Variants in CD244 observed in about 807,000 individuals in gnomAD.
CD244 encodes CD244 molecule.
Under a neutral mutation model 45.5 loss-of-function variants are expected in CD244, and 20 were observed. That is an observed-to-expected ratio of 0.44 (90% CI 0.31 to 0.64). CD244 has a LOEUF of 0.64. CD244 is among the 30% of genes least tolerant of loss of function. The pLI is 0.08. For missense variants in CD244, 407 were observed against 426.9 expected, an observed-to-expected ratio of 0.95 and a Z score of 0.41; for synonymous variants, 185 against 160.5, an observed-to-expected ratio of 1.15 and a Z score of -1.15.
chr1:160,845,194 A>AT (rs888781947), intron 1 of CD244, among the ~76,000 whole-genome samples: 4 of 152,006 alleles, frequency 2.6e-5, no homozygotes, highest in Non-Finnish European at 5.9e-5. Context: ...CTGAAATTGG[A>AT]TTTTTTTTAA....
At chr1:160,838,347 G>A (rs1669403720) in intron 5 of CD244, 104 bp downstream of exon 5, 6 of 861,184 alleles carry the variant, frequency 7.0e-6, no homozygotes, top group Admixed American at 1.7e-5. Context: ...CACATCAAAA[G>A]GACAGTCGTT....
chr1:160,859,743 CAAAAAAA>C (rs541327271), intron 1 of CD244, among the ~76,000 whole-genome samples: 2 of 108,674 alleles, frequency 1.8e-5, no homozygotes, highest in Admixed American at 1.0e-4. Context: ...CCTGTATCTA[CAAAAAAA>C]AAAAAAAAAA....
intron 3 of CD244, among the ~76,000 whole-genome samples, chr1:160,840,179 G>C (rs1205417308): frequency 1.3e-5 from 2 of 151,060 alleles, no homozygotes; most frequent in Admixed American, 1.3e-4. Flanking sequence ...ATATTGTCCA[G>C]GCTGGTCTCA....
At chr1:160,842,433 C>T (rs552580980) in intron 1 of CD244, among the ~76,000 whole-genome samples, 3 of 152,110 alleles carry the variant, frequency 2.0e-5, no homozygotes, top group African/African-American at 7.2e-5. Context: ...GTAAAGACAG[C>T]AGTTTGGCTT....
chr1:160,857,688 T>A (rs191576489), intron 1 of CD244, among the ~76,000 whole-genome samples: 2 of 152,348 alleles, frequency 1.3e-5, no homozygotes, highest in Admixed American at 6.5e-5. Context: ...CTCATTGAGA[T>A]GTACATTTGT....
At chr1:160,841,537 G>T in intron 2 of CD244, 47 bp downstream of exon 2, 2 of 1,611,794 alleles carry the variant, frequency 1.2e-6, no homozygotes, top group Non-Finnish European at 1.7e-6. Context: ...GAACTTAGAG[G>T]CCTATAGGAA....
intron 7 of CD244, 28 bp downstream of exon 7, chr1:160,834,023 C>G (rs375576327): frequency 5.2e-6 from 8 of 1,536,224 alleles, no homozygotes; most frequent in Middle Eastern, 1.7e-4. Context: ...TCAACAACAC[C>G]CCACCACCAC....
At chr1:160,854,942 G>C (rs1480939065) in intron 1 of CD244, among the ~76,000 whole-genome samples, 1 of 152,202 alleles carries the variant, frequency 6.6e-6, no homozygotes, top group Non-Finnish European at 1.5e-5. Flanking sequence ...GAAGAAAGAT[G>C]AGGGATGTCT....
intron 1 of CD244, among the ~76,000 whole-genome samples, chr1:160,862,095 C>T (rs1298110319): frequency 6.6e-6 from 1 of 152,166 alleles, no homozygotes; most frequent in Non-Finnish European, 1.5e-5. Context: ...TTCCAGGCTC[C>T]TGTGGCATCT....
intron 1 of CD244, among the ~76,000 whole-genome samples, chr1:160,845,203 A>T (rs537292124): frequency 2.0e-5 from 3 of 152,274 alleles, no homozygotes; most frequent in South Asian, 2.1e-4. Flanking sequence ...GATTTTTTTT[A>T]AAGAATTCAA....
chr1:160,844,387 G>A (rs955222007), intron 1 of CD244, among the ~76,000 whole-genome samples: 7 of 152,140 alleles, frequency 4.6e-5, no homozygotes, highest in African/African-American at 1.4e-4. Context: ...GAGAACTAGC[G>A]TGATAGAATG....
At chr1:160,831,537 A>G in intron 8 of CD244, 110 bp from the exon 9 acceptor site, 2 of 787,474 alleles carry the variant, frequency 2.5e-6, no homozygotes, top group Non-Finnish European at 4.3e-6. Flanking sequence ...AATGAAGCTC[A>G]GAGTGACAAA....
intron 5 of CD244, 24 bp from the exon 6 acceptor site, chr1:160,836,278 T>C (rs1669329674): frequency 6.3e-7 from 1 of 1,595,274 alleles, no homozygotes. Flanking sequence ...GGAGATGGGG[T>C]AACATGAGCG....
chr1:160,833,187 A>G (rs1421492470), intron 7 of CD244, among the ~76,000 whole-genome samples: 3 of 152,204 alleles, frequency 2.0e-5, no homozygotes, highest in Non-Finnish European at 4.4e-5. Flanking sequence ...GTGAACATCT[A>G]TATGGCCTTA....
rs749643729 is a variant in CD244, at chr1:160,839,060, C to G, written c.656-11G>C. 1 of 1,595,760 alleles carries G rather than the reference C, an allele frequency of 6.3e-7. No homozygotes were observed. The highest frequency in any genetic ancestry group is 1.1e-5 in the South Asian group (1 of 90,208). The stretch of plus-strand genomic sequence containing the variant: ...GCCAAAATCTGAATTCTGAGGAATA[C>G]AGAAGGCGTGAGAACTGAGCTGTCA... On this transcript the variant is annotated splice_polypyrimidine_tract_variant and intron_variant, in intron 3 of 8. Coordinates refer to ENST00000368034, the MANE Select transcript of CD244 (RefSeq NM_016382.4).
At chr1:160,838,400 G>A (rs766681830) in intron 5 of CD244, 51 bp downstream of exon 5, 8 of 1,305,350 alleles carry the variant, frequency 6.1e-6, no homozygotes, top group Non-Finnish European at 8.9e-6. Context: ...ATCATTGAAA[G>A]AGCATTTTCC....
chr1:160,862,759 G>T lies in CD244; in HGVS notation c.-82C>A. 3 of 1,275,666 alleles carry T rather than the reference G, an allele frequency of 2.4e-6. No individual in the cohort carries two copies. The highest frequency in any genetic ancestry group is 2.2e-6 in the Non-Finnish European group (2 of 891,596). 79.0% of individuals were successfully genotyped at this position (1,275,666 alleles called of 1,614,324 possible). ...GCACGGGCTCAGCAGTCCCCAGTCA[G>T]CAAGAGGACGATGGGGAGCAGAACT... On this transcript the variant is annotated 5_prime_UTR_variant, in exon 1 of 9. The change creates a new upstream start codon in the 5' untranslated region. Coordinates refer to ENST00000368034, the MANE Select transcript of CD244 (RefSeq NM_016382.4).
chr1:160,848,651 C>T (rs1044252172), intron 1 of CD244: 37 of 313,386 alleles, frequency 1.2e-4, no homozygotes, highest in African/African-American at 7.6e-4. Flanking sequence ...GGAATCATAC[C>T]CTTTTCATCC....
chr1:160,850,694 G>T (rs1295420952), intron 1 of CD244, among the ~76,000 whole-genome samples: 2 of 152,150 alleles, frequency 1.3e-5, no homozygotes, highest in Non-Finnish European at 2.9e-5. Context: ...TTTTTCCTCT[G>T]GTTTCACACC....
Sources: allele counts gnomAD v4.1 joint callset (sites outside exome capture counted in the v4.1 genomes callset), GRCh38; gene constraint gnomAD v4.1.1; transcripts MANE v1.5; gene names NCBI Gene and HGNC (gene_info 2026-07-23, HGNC 2026-07-21).